The following LMO1 variants were observed in gnomAD, a reference collection of about 807,000 sequenced individuals.
LMO1 encodes the protein rhombotin-1.
A neutral mutation model predicts 18.0 loss-of-function variants in LMO1; 10 were observed. The observed-to-expected ratio is 0.55, with a 90% CI of 0.34 to 0.94. The LOEUF (loss-of-function observed/expected upper bound fraction) is 0.94, where lower values mean the gene tolerates loss of function less well. Among genes scored for constraint, LMO1 ranks in the 40% least tolerant of loss-of-function variants. The pLI, the probability that LMO1 is intolerant of heterozygous loss-of-function variation, is 0.02. For missense variants in LMO1, 183 were observed against 205.7 expected (o/e 0.89, Z 0.68); for synonymous variants, 77 against 77.9 (o/e 0.99, Z 0.06).
chr11:8,256,831 C>A (rs1451991372), intron 1 of LMO1, among the ~76,000 whole-genome samples: 1 of 152,206 alleles, frequency 6.6e-6, no homozygotes, highest in East Asian at 1.9e-4. Flanking sequence ...CATACTAAAC[C>A]TGCATAGTTT....
upstream of LMO1, among the ~76,000 whole-genome samples, chr11:8,267,421 C>G (rs1847271737): frequency 1.3e-5 from 2 of 152,220 alleles, no homozygotes; most frequent in African/African-American, 4.8e-5. Context: ...TTCCCTGCAG[C>G]CCAGAAGTTG....
intron 1 of LMO1, among the ~76,000 whole-genome samples, chr11:8,253,990 C>T (rs1847048053): frequency 6.6e-6 from 1 of 152,068 alleles, no homozygotes; most frequent in South Asian, 2.1e-4. Flanking sequence ...AACCAAAGTA[C>T]AGACACAGAC....
upstream of LMO1, among the ~76,000 whole-genome samples, chr11:8,265,933 C>T (rs1339185811): frequency 5.9e-5 from 9 of 152,214 alleles, no homozygotes; most frequent in Non-Finnish European, 1.3e-4. Flanking sequence ...TAGCTGTGGC[C>T]ACTCTTCCAC....
chr11:8,238,861 A>G (rs910459426), intron 1 of LMO1, among the ~76,000 whole-genome samples: 3 of 152,136 alleles, frequency 2.0e-5, no homozygotes, highest in Non-Finnish European at 4.4e-5. Context: ...ATTTAACTGC[A>G]TATATGTGAT....
intron 1 of LMO1, among the ~76,000 whole-genome samples, chr11:8,256,116 C>T (rs545486820): frequency 4.6e-5 from 7 of 152,320 alleles, no homozygotes; most frequent in South Asian, 2.1e-4. Context: ...TGAGCCACCG[C>T]GCCCGGCCAA....
intron 1 of LMO1, 26 bp from the exon 2 acceptor site, chr11:8,230,530 C>G (rs80209920): frequency 2.5e-6 from 4 of 1,601,936 alleles, no homozygotes; most frequent in Admixed American, 3.3e-5. Flanking sequence ...CAGACAGCAA[C>G]GCAGGATGGG....
intron 1 of LMO1, among the ~76,000 whole-genome samples, chr11:8,248,269 T>G (rs1166159050): frequency 6.6e-6 from 1 of 152,248 alleles, no homozygotes; most frequent in Admixed American, 6.5e-5. Context: ...CTGGTGCTCT[T>G]GGGGGTTCTC....
At chr11:8,251,995 T>C (rs932451224) in intron 1 of LMO1, among the ~76,000 whole-genome samples, 11 of 54,530 alleles carry the variant, frequency 2.0e-4, no homozygotes, top group Non-Finnish European at 4.9e-4. Flanking sequence ...GGGGTGTGCG[T>C]GTGTGTGTGT....
chr11:8,235,724 G>A (rs146335932), intron 1 of LMO1, among the ~76,000 whole-genome samples: 61 of 152,298 alleles, frequency 4.0e-4, no homozygotes, highest in African/African-American at 1.4e-3. Flanking sequence ...GGGTTTGTCT[G>A]ACACTTTTGA....
chr11:8,237,933 T>C (rs984821132), intron 1 of LMO1, among the ~76,000 whole-genome samples: 1 of 152,238 alleles, frequency 6.6e-6, no homozygotes, highest in African/African-American at 2.4e-5. Flanking sequence ...CAGCCTACTT[T>C]AAAGGATTGA....
At chr11:8,260,866 C>T (rs570546230) in intron 1 of LMO1, among the ~76,000 whole-genome samples, 38 of 152,178 alleles carry the variant, frequency 2.5e-4, no homozygotes, top group East Asian at 5.8e-4. Flanking sequence ...ATGCAGGGAA[C>T]GCACCCTTTG....
rs549710465 is a variant in LMO1 at position 8,259,988 on chromosome 11, C to T, written c.25+3350G>A. Reference sequence around the variant, plus strand: ...CCCGCCTGCTGCTTCCTGTGGTCACCCCCACCTTCCTGCTGGGCCTTTGCA... The same window carrying T: ...CCCGCCTGCTGCTTCCTGTGGTCACTCCCACCTTCCTGCTGGGCCTTTGCA... On this transcript the variant is annotated intron_variant, in intron 1 of 3. Transcript: ENST00000335790. 2.6e-5 allele frequency among the ~76,000 whole-genome samples: 4 copies of T among 152,254 alleles called. No individual in the cohort carries two copies. In the East Asian group the frequency reaches 7.7e-4, roughly 29 times the overall value.
chr11:8,268,367 C>T, upstream of LMO1: 1 of 1,420,570 alleles, frequency 7.0e-7, no homozygotes, highest in Admixed American at 2.4e-5. Context: ...GCCAGCGCCG[C>T]AGTCTCCGCC....
At chr11:8,226,716 T>C (rs928630277) in intron 3 of LMO1, 5 of 511,386 alleles carry the variant, frequency 9.8e-6, no homozygotes, top group Middle Eastern at 5.4e-4. Flanking sequence ...AGTAAACTCA[T>C]GCACGCCTTC....
chr11:8,225,829 C>G (rs1952529366), intron 3 of LMO1, among the ~76,000 whole-genome samples: 1 of 152,224 alleles, frequency 6.6e-6, no homozygotes, highest in Admixed American at 6.5e-5. Flanking sequence ...CCAGCGTTCC[C>G]TGTAGGTCCC....
upstream of LMO1, chr11:8,268,590 G>A (rs1565191669): frequency 1.9e-6 from 1 of 535,374 alleles, no homozygotes; most frequent in Non-Finnish European, 2.8e-6. Flanking sequence ...GACGGGGGCA[G>A]ACGGACCGGA....
At chr11:8,254,548 G>A (rs979388450) in intron 1 of LMO1, among the ~76,000 whole-genome samples, 3 of 148,340 alleles carry the variant, frequency 2.0e-5, no homozygotes, top group African/African-American at 4.9e-5. Context: ...CTTTCAAGCC[G>A]TCTAGTGGCT....
intron 1 of LMO1, among the ~76,000 whole-genome samples, chr11:8,246,577 G>A (rs750245058): frequency 6.6e-6 from 1 of 152,192 alleles, no homozygotes; most frequent in Non-Finnish European, 1.5e-5. Flanking sequence ...TCTTTTTGAG[G>A]TGATAAAAAT....
At chr11:8,258,493 C>T (rs935235149) in intron 1 of LMO1, among the ~76,000 whole-genome samples, 2 of 152,250 alleles carry the variant, frequency 1.3e-5, no homozygotes, top group Non-Finnish European at 2.9e-5. Flanking sequence ...ATGGCTGAAC[C>T]TCGTGTTTCC....
Sources: allele counts gnomAD v4.1 joint callset (sites outside exome capture counted in the v4.1 genomes callset), GRCh38; gene constraint gnomAD v4.1.1; transcripts MANE v1.5; gene names NCBI Gene and HGNC (gene_info 2026-07-23, HGNC 2026-07-21).